Variants in SLCO3A1 observed in about 807,000 individuals in gnomAD.
SLCO3A1 encodes PGE1 transporter.
In SLCO3A1, 27 loss-of-function variants were observed where a neutral mutation model predicts 63.1. The ratio of observed to expected loss-of-function variants is 0.43; its 90% CI spans 0.32 to 0.59. The LOEUF (loss-of-function observed/expected upper bound fraction) is 0.59. Ranked by LOEUF, SLCO3A1 falls within the 20% of genes least tolerant of loss-of-function variation. The pLI is 0.09. For synonymous variants in SLCO3A1, 473 were observed against 409.9 expected (o/e 1.15, Z -1.86); for missense variants, 773 against 945.8 (o/e 0.82, Z 2.40).
In SLCO3A1 at chr15:92,019,278, G is replaced by A. The variant is rs553378921; in HGVS notation, c.647-75603G>A. Reference sequence around the variant, plus strand: ...TGACCCTGGGCAAGCTATGGATTATGTTTGATGTGTTTCTCAAAGCCTCAG... The same window carrying A: ...TGACCCTGGGCAAGCTATGGATTATATTTGATGTGTTTCTCAAAGCCTCAG... On this transcript the variant is annotated intron_variant, in intron 2 of 9. Transcript: ENST00000318445. Among the ~76,000 whole-genome samples, 16 of 152,284 alleles carry A rather than the reference G, an allele frequency of 1.1e-4. No homozygotes were observed. In the East Asian group the frequency reaches 3.1e-3, roughly 29 times the overall value.
At chr15:91,938,380 C>G (rs781335622) in intron 2 of SLCO3A1, among the ~76,000 whole-genome samples, 13 of 151,808 alleles carry the variant, frequency 8.6e-5, no homozygotes, top group South Asian at 4.2e-4. Flanking sequence ...AGTGATGAGA[C>G]GAAATGGCAT....
intron 4 of SLCO3A1, among the ~76,000 whole-genome samples, chr15:92,114,378 C>T (rs572495341): frequency 3.9e-5 from 6 of 152,260 alleles, no homozygotes; most frequent in Admixed American, 2.6e-4. Context: ...AGTGTCTGCT[C>T]TTACGGGGCG....
intron 2 of SLCO3A1, among the ~76,000 whole-genome samples, chr15:92,077,679 C>T (rs1313538524): frequency 1.3e-5 from 2 of 152,210 alleles, no homozygotes; most frequent in East Asian, 3.8e-4. Flanking sequence ...GTAGAGGCCC[C>T]ATGCCACTAA....
At chr15:91,962,428 G>C (rs1425528255) in intron 2 of SLCO3A1, among the ~76,000 whole-genome samples, 1 of 140,464 alleles carries the variant, frequency 7.1e-6, no homozygotes, top group African/African-American at 2.7e-5. Flanking sequence ...GCGGTGAACT[G>C]AGATCGCGCC....
chr15:92,147,255 C>G (rs1028517424), intron 8 of SLCO3A1, 96 bp downstream of exon 8: 16 of 1,277,978 alleles, frequency 1.3e-5, no homozygotes, highest in South Asian at 1.4e-5. Context: ...AGGAATCTCT[C>G]GAACCAGGTG....
chr15:91,884,968 C>G (rs79354503), intron 1 of SLCO3A1, among the ~76,000 whole-genome samples: 2,010 of 152,150 alleles, frequency 0.013, 42 homozygotes, highest in African/African-American at 0.047. Flanking sequence ...CACCTGTATT[C>G]TAGGAGCATG....
In SLCO3A1 at chr15:91,914,164, C is replaced by T. The variant is rs151159111; in HGVS notation, c.181-1829C>T. Among the ~76,000 whole-genome samples the T allele has an allele frequency of 4.7e-3, 719 of 152,314 alleles. 2 individuals are homozygous for T. Among genetic ancestry groups the T allele is most frequent in the Non-Finnish European group, 8.0e-3 (542 of 68,032 alleles). ...CCTTTTACAGATGGGGAAACTAACG[C>T]GCAAAGTAACTTGGTCAAGGTCAGC... On this transcript the variant is annotated intron_variant, in intron 1 of 9. Transcript: ENST00000318445.
chr15:91,891,599 C>G (rs142937214), intron 1 of SLCO3A1, among the ~76,000 whole-genome samples: 245 of 152,270 alleles, frequency 1.6e-3, no homozygotes, highest in African/African-American at 5.6e-3. Flanking sequence ...ATTCCAGGGT[C>G]AGCTTCATGG....
chr15:91,892,986 T>G (rs1190900480), intron 1 of SLCO3A1, among the ~76,000 whole-genome samples: 1 of 152,242 alleles, frequency 6.6e-6, no homozygotes, highest in African/African-American at 2.4e-5. Flanking sequence ...AGTATGATAC[T>G]TGGCTAGTAA....
chr15:91,953,334 C>T (rs982177706), intron 2 of SLCO3A1, among the ~76,000 whole-genome samples: 6 of 152,172 alleles, frequency 3.9e-5, no homozygotes, highest in Admixed American at 1.3e-4. Context: ...GAGTGAAGTA[C>T]AGCCTCTGCC....
intron 2 of SLCO3A1, among the ~76,000 whole-genome samples, chr15:91,970,477 C>A (rs967279583): frequency 6.6e-6 from 1 of 152,130 alleles, no homozygotes; most frequent in African/African-American, 2.4e-5. Flanking sequence ...AGTCAACACA[C>A]GAGAGTCAAC....
intron 2 of SLCO3A1, among the ~76,000 whole-genome samples, chr15:92,049,341 C>T (rs553259637): frequency 2.0e-5 from 3 of 152,258 alleles, no homozygotes; most frequent in South Asian, 2.1e-4. Flanking sequence ...TGGCTCAGCT[C>T]GGGTGAGTGA....
chr15:91,942,402 A>G lies in SLCO3A1; in HGVS notation c.646+25944A>G, dbSNP rs1430347663. ...TGTATATTCCTATAGCTGTGCAGGT[A>G]AAACATGCCATTTAGCAGTGCTACT... On this transcript the variant is annotated intron_variant, in intron 2 of 9. Transcript: ENST00000318445. This position sits in a 1 kb window ranked among gnomAD's most constrained non-coding sequence, Gnocchi z 4.1. 4.6e-5 allele frequency among the ~76,000 whole-genome samples: 7 copies of G among 152,208 alleles called. No individual in the cohort carries two copies. Among genetic ancestry groups the G allele is most frequent in the African/African-American group, 1.7e-4 (7 of 41,448 alleles).
At position 91,988,529 on chromosome 15, in the gene SLCO3A1, C is replaced by T. The variant is rs574025637; in HGVS notation, c.646+72071C>T. Reference sequence around the variant, plus strand: ...ACATGGGATGGTTCAGCATGAGACACGATAAAAAGGAAACGTGCAGATCAA... The same window carrying T: ...ACATGGGATGGTTCAGCATGAGACATGATAAAAAGGAAACGTGCAGATCAA... On this transcript the variant is annotated intron_variant, in intron 2 of 9. Transcript: ENST00000318445. Among the ~76,000 whole-genome samples, 38 of 142,026 alleles carry T rather than the reference C, an allele frequency of 2.7e-4. No homozygotes were observed. In the South Asian group the frequency reaches 4.7e-3, roughly 17 times the overall value. The allele number at this position is 142,026 out of a possible 152,430, so 93.2% of individuals were successfully genotyped here.
At chr15:92,169,423 G>A (rs1243297602), downstream of SLCO3A1, among the ~76,000 whole-genome samples, 1 of 152,348 alleles carries the variant, frequency 6.6e-6, no homozygotes, top group South Asian at 2.1e-4. Flanking sequence ...CGAGTGGACT[G>A]TGGGGCCCCA....
chr15:92,168,887 C>T (rs2048507355), downstream of SLCO3A1, among the ~76,000 whole-genome samples: 1 of 152,172 alleles, frequency 6.6e-6, no homozygotes, highest in South Asian at 2.1e-4. Context: ...GAGTTACCAT[C>T]CTTTTTCTCT....
intron 2 of SLCO3A1, among the ~76,000 whole-genome samples, chr15:91,947,225 C>T (rs1016537330): frequency 3.9e-5 from 6 of 152,228 alleles, no homozygotes; most frequent in African/African-American, 1.2e-4. Context: ...TCTAATCATA[C>T]GACCCCTCCT....
intron 2 of SLCO3A1, among the ~76,000 whole-genome samples, chr15:92,009,903 G>A (rs549313257): frequency 6.6e-6 from 1 of 152,280 alleles, no homozygotes; most frequent in East Asian, 1.9e-4. Flanking sequence ...TCCAATAGAG[G>A]CATTTTCCAA....
chr15:92,146,918 T>C lies in SLCO3A1; in HGVS notation c.1513-66T>C, dbSNP rs140443537. On this transcript the variant is annotated intron_variant, in intron 7 of 9. Transcript: ENST00000318445. ...ATTAGGCTGTGACAGATTCAGCTGA[T>C]GGATGGCTTTGCCTTTGGAAACCGG... is the stretch of plus-strand genomic sequence containing the variant. 259 of 1,443,048 alleles carry C rather than the reference T, an allele frequency of 1.8e-4. 2 individuals are homozygous for C. In the African/African-American group the frequency reaches 3.1e-3, roughly 17 times the overall value. 89.4% of individuals were successfully genotyped at this position (1,443,048 alleles called of 1,614,324 possible). A position where few individuals can be genotyped will look rare whatever the true frequency, so the allele number is the denominator to read the frequency against.
Sources: allele counts gnomAD v4.1 joint callset (sites outside exome capture counted in the v4.1 genomes callset), GRCh38; gene constraint gnomAD v4.1.1; non-coding constraint Gnocchi (gnomAD v3.1); transcripts MANE v1.5; gene names NCBI Gene and HGNC (gene_info 2026-07-23, HGNC 2026-07-21).